The following USP26 variants were observed in gnomAD, a reference collection of about 807,000 sequenced individuals.
The protein encoded by USP26 is ubiquitin specific peptidase 26, also known as ubiquitin carboxyl-terminal hydrolase 26.
For missense variants in USP26, 649 were observed against 642.3 expected (o/e 1.01, Z -0.11); for synonymous variants, 236 against 240.6 (o/e 0.98, Z 0.18).
intron 5 of USP26, among the ~76,000 whole-genome samples, chrX:133,080,765 T>C (rs1162902737): frequency 9.0e-6 from 1 of 111,553 alleles, no homozygotes; most frequent in Non-Finnish European, 1.9e-5. Flanking sequence ...ATACTCAAAA[T>C]GGGCATTGGT....
At chrX:133,078,891 A>G (rs929163550) in intron 5 of USP26, among the ~76,000 whole-genome samples, 7 of 112,360 alleles carry the variant, frequency 6.2e-5, no homozygotes, top group African/African-American at 2.3e-4. Flanking sequence ...CTTCTACTGT[A>G]CCCATCAACA....
At chrX:133,034,851 T>A (rs2067390559) in intron 5 of USP26, among the ~76,000 whole-genome samples, 3 of 108,710 alleles carry the variant, frequency 2.8e-5, no homozygotes. Flanking sequence ...AGCAAGACCA[T>A]GTCTCTTACA....
rs1438794564 is a variant in USP26, at chrX:133,024,058, C to T, written c.*1421G>A. On this transcript the variant is annotated 3_prime_UTR_variant, in exon 6 of 6. Coordinates refer to ENST00000511190, the MANE Select transcript of USP26 (RefSeq NM_031907.3). ...GTTATGATAATAGTGGTGGCACATG[C>T]TTGATGGCAAAATTATTAAATCCCC... Among the ~76,000 whole-genome samples the T allele has an allele frequency of 9.0e-6, 1 of 111,701 alleles. No homozygotes were observed. The highest frequency in any genetic ancestry group is 1.9e-5 in the Non-Finnish European group (1 of 53,131).
Position 133,026,224 on chromosome X carries a change from A to T in USP26, c.1997T>A (p.Leu666His), listed in dbSNP as rs1488723378. ...HLMTYLEDTS[L>H]CQFHKAGGKP... ...ACCTCCAGCTTTGTGGAACTGACAA[A>T]GTGAGGTATCTTCCAGATACGTCAT... The change falls in exon 6 of 6, where the codon CTT becomes CAT. Residue 666 changes from leucine to histidine, a missense_variant. Physicochemically the swap from Leu to His is moderately conservative, Grantham distance 99. Coordinates refer to ENST00000511190, the MANE Select transcript of USP26 (RefSeq NM_031907.3). 8.3e-7 allele frequency: 1 copy of T among 1,207,560 alleles called. No homozygotes were observed. Among genetic ancestry groups the T allele is most frequent in the African/African-American group, 1.8e-5 (1 of 56,469 alleles).
In USP26 at chrX:133,025,756, T is replaced by A. The variant is rs1326050827; in HGVS notation, c.2465A>T (p.His822Leu). The A allele has an allele frequency of 2.5e-6, 3 of 1,207,986 alleles. No homozygotes were observed. The African/African-American group carries it at 5.2e-5, about 21-fold the overall frequency. Reference sequence around the variant, plus strand: ...GACAACACTAATGAGCCGGTAGGTATGATCTCCCTTATCATCATTTCTTTT... The same window carrying A: ...GACAACACTAATGAGCCGGTAGGTAAGATCTCCCTTATCATCATTTCTTTT... ...ETKRNDDKGD[H>L]TYRLISVVSH... The change falls in exon 6 of 6, where the codon CAT (histidine) becomes CTT (leucine). Residue 822 changes from histidine (H) to leucine (L), a missense_variant. By Grantham distance (99) the His-to-Leu change is moderately conservative. Coordinates refer to ENST00000511190, the MANE Select transcript of USP26 (RefSeq NM_031907.3).
At chrX:133,081,303 C>A (rs1318907245) in intron 5 of USP26, among the ~76,000 whole-genome samples, 1 of 38,201 alleles carries the variant, frequency 2.6e-5, no homozygotes, top group Non-Finnish European at 5.2e-5. Context: ...CTATCCTTTT[C>A]TCATGTATAA....
At position 133,080,040 on chromosome X, in the gene USP26, A is replaced by G. The variant is rs1180531678; in HGVS notation, c.-77+3667T>C. On this transcript the variant is annotated intron_variant, in intron 5 of 5. Coordinates refer to ENST00000511190, the MANE Select transcript of USP26 (RefSeq NM_031907.3). ...GGAAAGGCACATCAAAGATAAAAACATGATAAAGAAGAGCCAAATGGAAGA... is the reference window on the plus strand; with the variant it reads ...GGAAAGGCACATCAAAGATAAAAACGTGATAAAGAAGAGCCAAATGGAAGA... Among the ~76,000 whole-genome samples, 4 of 111,632 alleles carry G rather than the reference A, an allele frequency of 3.6e-5. No homozygotes were observed. In the East Asian group the frequency reaches 1.1e-3, roughly 31 times the overall value.
intron 4 of USP26, among the ~76,000 whole-genome samples, chrX:133,088,588 G>A (rs2067597317): frequency 1.8e-5 from 2 of 111,650 alleles, no homozygotes; most frequent in South Asian, 7.6e-4. Flanking sequence ...CAAAGGACTG[G>A]ACCTCTTAGG....
chrX:133,073,889 T>C (rs2067538754), intron 5 of USP26, among the ~76,000 whole-genome samples: 1 of 111,614 alleles, frequency 9.0e-6, no homozygotes, highest in African/African-American at 3.3e-5. Flanking sequence ...TCACCGAGAT[T>C]CCTGACCTAG....
intron 5 of USP26, among the ~76,000 whole-genome samples, chrX:133,062,779 A>C (rs995598035): frequency 9.0e-6 from 1 of 111,264 alleles, no homozygotes; most frequent in Admixed American, 9.5e-5. Flanking sequence ...TGAGGAAAAA[A>C]CAGCACAAAT....
At chrX:133,063,971 T>C (rs1240456655) in intron 5 of USP26, among the ~76,000 whole-genome samples, 2 of 112,177 alleles carry the variant, frequency 1.8e-5, no homozygotes, top group Admixed American at 9.5e-5. Context: ...TGGTATGCTG[T>C]AATCAGAAGA....
intron 5 of USP26, among the ~76,000 whole-genome samples, chrX:133,035,623 T>C (rs1181869104): frequency 8.9e-6 from 1 of 112,193 alleles, no homozygotes; most frequent in Non-Finnish European, 1.9e-5. Flanking sequence ...TTTATTATTA[T>C]TATTTTTTTC....
intron 1 of USP26, among the ~76,000 whole-genome samples, chrX:133,093,980 C>CAAAA (rs11327414): frequency 4.0e-5 from 1 of 24,956 alleles, no homozygotes; most frequent in African/African-American, 1.7e-4. Flanking sequence ...GACCCTGTCT[C>CAAAA]AAAAAAAAAA....
At chrX:133,052,801 C>G (rs1476843211) in intron 5 of USP26, among the ~76,000 whole-genome samples, 1 of 111,256 alleles carries the variant, frequency 9.0e-6, no homozygotes, top group African/African-American at 3.3e-5. Context: ...AACAGGGCAT[C>G]CAAGCCATGT....
Position 133,027,318 on chromosome X carries a change from T to A in USP26, c.903A>T (p.Gly301=). The change falls in exon 6 of 6, where the codon GGA becomes GGT. Residue 301 remains glycine, a synonymous_variant. Coordinates refer to ENST00000511190, the MANE Select transcript of USP26 (RefSeq NM_031907.3). ...EKICHGLPNL[G]NTCYMNAVLQ... is the part of the protein sequence containing the mutation. ...ACACTGCATTCATATAACAGGTGTT[T>A]CCCAAATTGGGGAGGCCGTGGCATA... 8.3e-7 allele frequency: 1 copy of A among 1,210,573 alleles called. No individual in the cohort carries two copies. Among genetic ancestry groups the A allele is most frequent in the Admixed American group, 2.2e-5 (1 of 46,005 alleles).
chrX:133,071,993 C>G (rs947696640), intron 5 of USP26, among the ~76,000 whole-genome samples: 2 of 111,415 alleles, frequency 1.8e-5, no homozygotes, highest in Admixed American at 1.9e-4. Flanking sequence ...GGTAGGCAGT[C>G]AAATATCTTA....
intron 5 of USP26, among the ~76,000 whole-genome samples, chrX:133,058,425 T>A (rs189276719): frequency 6.3e-4 from 71 of 111,980 alleles, no homozygotes; most frequent in African/African-American, 2.2e-3. Flanking sequence ...CTTGCAGTTC[T>A]ATCAGCTTTT....
intron 5 of USP26, among the ~76,000 whole-genome samples, chrX:133,063,560 G>A (rs772322128): frequency 8.9e-6 from 1 of 111,782 alleles, no homozygotes; most frequent in East Asian, 2.8e-4. Flanking sequence ...CCAGAAGAGA[G>A]TGAGGGCCAA....
intron 1 of USP26, among the ~76,000 whole-genome samples, chrX:133,094,534 C>T (rs1466287031): frequency 9.0e-6 from 1 of 110,974 alleles, no homozygotes; most frequent in Non-Finnish European, 1.9e-5. Flanking sequence ...AACATGACTT[C>T]CAACGGCTGT....
Sources: allele counts gnomAD v4.1 joint callset (sites outside exome capture counted in the v4.1 genomes callset), GRCh38; gene constraint gnomAD v4.1.1; transcripts MANE v1.5; gene names NCBI Gene and HGNC (gene_info 2026-07-23, HGNC 2026-07-21).